Variants in GPATCH8 observed in about 807,000 individuals in gnomAD.
GPATCH8 encodes G-patch domain containing 8.
A neutral mutation model predicts 118.3 loss-of-function variants in GPATCH8; 18 were observed. The ratio of observed to expected loss-of-function variants is 0.15; its 90% CI spans 0.11 to 0.23. GPATCH8 has a LOEUF of 0.23. Among genes scored for constraint, GPATCH8 ranks in the 10% least tolerant of loss-of-function variants. The probability of loss-of-function intolerance (pLI) is 1.00; values close to 1 mark genes in which losing one functional copy is unlikely to be tolerated. For synonymous variants in GPATCH8, 659 were observed against 684.7 expected, an observed-to-expected ratio of 0.96 and a Z score of 0.59; for missense variants, 1,631 against 1,873.8, an observed-to-expected ratio of 0.87 and a Z score of 2.39.
At chr17:44,403,691 C>T (rs79374112) in intron 7 of GPATCH8, among the ~76,000 whole-genome samples, 1 of 145,928 alleles carries the variant, frequency 6.9e-6, no homozygotes. Flanking sequence ...TGTAATCTCT[C>T]TTTTTTTTTT....
chr17:44,461,352 ATT>A (rs112382903), intron 3 of GPATCH8, among the ~76,000 whole-genome samples: 1 of 145,342 alleles, frequency 6.9e-6, no homozygotes, highest in Non-Finnish European at 1.5e-5. Flanking sequence ...CAGCCAATTA[ATT>A]TTTTTTTTTT....
rs2050458076 is a variant in GPATCH8 at position 44,435,242 on chromosome 17, T to G, written c.262-91A>C. 1.4e-5 allele frequency: 10 copies of G among 718,240 alleles called. No individual in the cohort carries two copies. In the East Asian group the frequency reaches 2.6e-4, roughly 18 times the overall value. 44.5% of individuals were successfully genotyped at this position (718,240 alleles called of 1,614,324 possible). The stretch of plus-strand genomic sequence containing the variant: ...TTATTTGCACAACTACAGTATTATC[T>G]GAAAACAAAAAAAAATTGTAATTTT... On this transcript the variant is annotated intron_variant, in intron 4 of 7. Transcript: ENST00000591680.
chr17:44,433,089 C>T (rs2050377691), intron 5 of GPATCH8, among the ~76,000 whole-genome samples: 1 of 151,988 alleles, frequency 6.6e-6, no homozygotes, highest in Non-Finnish European at 1.5e-5. Context: ...CTCAAGCAAT[C>T]CTCCCAAAGC....
At chr17:44,418,851 C>T (rs2049789332) in intron 6 of GPATCH8, among the ~76,000 whole-genome samples, 1 of 152,218 alleles carries the variant, frequency 6.6e-6, no homozygotes, top group South Asian at 2.1e-4. Context: ...AAGGCCTACT[C>T]TTAGAGATTT....
chr17:44,453,498 G>GTGTGT lies in GPATCH8; in HGVS notation c.193+10973_193+10974insACACA, dbSNP rs1298562128. Among the ~76,000 whole-genome samples the GTGTGT allele has an allele frequency of 3.4e-3, 448 of 130,148 alleles. 7 individuals are homozygous for GTGTGT. The highest frequency in any genetic ancestry group is 7.7e-3 in the South Asian group (33 of 4,292). 85.4% of individuals were successfully genotyped at this position (130,148 alleles called of 152,430 possible). On this transcript the variant is annotated intron_variant, in intron 3 of 7. Coordinates refer to ENST00000591680, the MANE Select transcript of GPATCH8 (RefSeq NM_001002909.4). ...CTAGTTGTAGGTAGGTAGGTAGGTA[G>GTGTGT]GGGTGTGTGTGTGTGTGTGTGTGTG...
intron 3 of GPATCH8, among the ~76,000 whole-genome samples, chr17:44,447,619 CTTTTTT>C (rs79158339): frequency 2.1e-5 from 3 of 141,602 alleles, no homozygotes; most frequent in South Asian, 4.5e-4. Context: ...TTATCACCAC[CTTTTTT>C]TTTTTTTTTT....
chr17:44,397,429 T>C lies in GPATCH8; in HGVS notation c.*139A>G. 1 of 723,248 alleles carries C rather than the reference T, an allele frequency of 1.4e-6. No homozygotes were observed. The allele number at this position is 723,248 out of a possible 1,614,324, so 44.8% of individuals were successfully genotyped here. A position where few individuals can be genotyped will look rare whatever the true frequency, so the allele number is the denominator to read the frequency against. ...CAAACTTCAAATCTAAACCCACCCC[T>C]GCAAGCCAAAACTCAATTCTTTGGC... On this transcript the variant is annotated 3_prime_UTR_variant, in exon 8 of 8. Coordinates refer to ENST00000591680, the MANE Select transcript of GPATCH8 (RefSeq NM_001002909.4).
At position 44,400,511 on chromosome 17, in the gene GPATCH8, T is replaced by A; in HGVS notation, c.1566A>T (p.Ala522=). The part of the protein sequence containing the change: ...SSKETSLATP[A]GKESQEGPKH... ...TGGGTCCTTCTTGGCTTTCTTTCCC[T>A]GCTGGGGTGGCCAGAGAGGTTTCTT... The change falls in exon 8 of 8, where the codon GCA becomes GCT. Residue 522 remains alanine, a synonymous_variant. Transcript: ENST00000591680. 1 of 1,614,164 alleles carries A rather than the reference T, an allele frequency of 6.2e-7. No homozygotes were observed. The highest frequency in any genetic ancestry group is 1.7e-5 in the Admixed American group (1 of 60,024).
chr17:44,448,653 C>T (rs1568004470), intron 3 of GPATCH8, among the ~76,000 whole-genome samples: 1 of 151,842 alleles, frequency 6.6e-6, no homozygotes, highest in African/African-American at 2.4e-5. Flanking sequence ...CCTGGACACT[C>T]CACTCTCTTG....
At chr17:44,426,063 A>G (rs2143921739) in intron 5 of GPATCH8, among the ~76,000 whole-genome samples, 1 of 152,324 alleles carries the variant, frequency 6.6e-6, no homozygotes, top group South Asian at 2.1e-4. Flanking sequence ...AAGCCAGACA[A>G]GGCAAAGCTA....
chr17:44,437,732 T>C (rs1004291821), intron 3 of GPATCH8, among the ~76,000 whole-genome samples: 4 of 151,980 alleles, frequency 2.6e-5, no homozygotes, highest in Admixed American at 1.3e-4. Context: ...AGAAACCATG[T>C]TCAAAACGAC....
intron 6 of GPATCH8, among the ~76,000 whole-genome samples, chr17:44,407,022 T>C (rs771896786): frequency 1.1e-4 from 16 of 152,188 alleles, no homozygotes; most frequent in South Asian, 1.0e-3. Context: ...TACAACAGCA[T>C]TGGGAAAAGG....
chr17:44,471,266 G>T (rs1283848656), intron 2 of GPATCH8, among the ~76,000 whole-genome samples: 2 of 152,216 alleles, frequency 1.3e-5, no homozygotes, highest in East Asian at 3.9e-4. Context: ...TAATAAAATT[G>T]AAATACCAAT....
In GPATCH8 at chr17:44,400,467, A is replaced by G. The variant is rs750243985; in HGVS notation, c.1610T>C (p.Phe537Ser). Reference protein sequence around the residue: ...QEGPKHPTGPFFPVLSKDEST... With the variant: ...QEGPKHPTGPSFPVLSKDEST... ...TTCATCTTTGCTCAAAACTGGGAAG[A>G]AGGGACCAGTAGGATGTTTGGGTCC... The change falls in exon 8 of 8, where the codon TTC (phenylalanine) becomes TCC (serine). Residue 537 changes from phenylalanine to serine, a missense_variant. By Grantham distance (155) the Phe-to-Ser change is radical. Coordinates refer to ENST00000591680, the MANE Select transcript of GPATCH8 (RefSeq NM_001002909.4). 6.2e-7 allele frequency: 1 copy of G among 1,614,166 alleles called. No individual in the cohort carries two copies. The highest frequency in any genetic ancestry group is 1.7e-5 in the Admixed American group (1 of 60,032).
chr17:44,486,770 T>G (rs1968816261), intron 1 of GPATCH8: 1 of 152,234 alleles, frequency 6.6e-6, no homozygotes, highest in Non-Finnish European at 1.5e-5. Flanking sequence ...ATTTGTTACC[T>G]TTCAGTTTTT....
chr17:44,458,950 T>C (rs1471378352), intron 3 of GPATCH8, among the ~76,000 whole-genome samples: 1 of 152,234 alleles, frequency 6.6e-6, no homozygotes, highest in Non-Finnish European at 1.5e-5. Context: ...TTTCATTTTT[T>C]ACATTTAAAC....
intron 6 of GPATCH8, among the ~76,000 whole-genome samples, chr17:44,417,582 A>G (rs929025176): frequency 6.6e-6 from 1 of 152,198 alleles, no homozygotes; most frequent in African/African-American, 2.4e-5. Flanking sequence ...ACTACCAGAG[A>G]CTGAAATCGC....
chr17:44,398,188 C>T lies in GPATCH8; in HGVS notation c.3889G>A (p.Ala1297Thr). 6.2e-7 allele frequency: 1 copy of T among 1,613,552 alleles called. No individual in the cohort carries two copies. The highest frequency in any genetic ancestry group is 8.5e-7 in the Non-Finnish European group (1 of 1,179,610). ...AGGGGGGCCAGTGAAGCATCCTCAG[C>T]CCCATCTGTTGACTCAATACTAGGA... ...GDPSIESTDG[A>T]EDASLAPLES... Residue 1297 changes from alanine (A) to threonine (T), a missense_variant, in exon 8 of 8, where the codon GCT becomes ACT. This residue lies in a region of GPATCH8 where 922 missense variants were observed against 879.7 expected (regional missense o/e 1.05). Coordinates refer to ENST00000591680, the MANE Select transcript of GPATCH8 (RefSeq NM_001002909.4).
Position 44,399,871 on chromosome 17 carries a change from G to A in GPATCH8, c.2206C>T (p.Pro736Ser), listed in dbSNP as rs769712512. ...DSERGPKPEP[P>S]GSGSPAPPRR... ...GGTGGTGCGGGACTGCCACTCCCAG[G>A]GGGTTCTGGTTTGGGTCCTCGTTCA... The change falls in exon 8 of 8, where the codon CCT becomes TCT. Residue 736 changes from proline (P) to serine (S), a missense_variant. Pro to Ser is a moderately conservative substitution (Grantham distance 74, BLOSUM62 -1). Coordinates refer to ENST00000591680, the MANE Select transcript of GPATCH8 (RefSeq NM_001002909.4). 18 of 1,613,776 alleles carry A rather than the reference G, an allele frequency of 1.1e-5. No individual in the cohort carries two copies. Among genetic ancestry groups the A allele is most frequent in the Non-Finnish European group, 1.5e-5 (18 of 1,179,966 alleles).
Sources: gnomAD v4.1 joint callset for allele counts (sites outside exome capture counted in the v4.1 genomes callset) on GRCh38, gnomAD v4.1.1 for gene constraint, gnomAD v4.1.1 regional missense constraint, MANE v1.5 for transcripts, NCBI Gene and HGNC (gene_info 2026-07-23, HGNC 2026-07-21) for gene names.